ZSWIM6: variants seen among roughly 807,000 people sequenced by gnomAD.
ZSWIM6 encodes zinc finger SWIM domain-containing protein 6.
A neutral mutation model predicts 113.2 loss-of-function variants in ZSWIM6; 9 were observed. That is an observed-to-expected ratio of 0.08 (90% CI 0.05 to 0.14). The LOEUF (loss-of-function observed/expected upper bound fraction) is 0.14, where lower values mean the gene tolerates loss of function less well. Ranked by LOEUF, ZSWIM6 falls within the 10% of genes least tolerant of loss-of-function variation. The pLI, the probability that ZSWIM6 is intolerant of heterozygous loss-of-function variation, is 1.00. For missense variants in ZSWIM6, 1,162 were observed against 1,552.2 expected (o/e 0.75, Z 4.22); for synonymous variants, 611 against 606.5 (o/e 1.01, Z -0.11).
intron 9 of ZSWIM6, among the ~76,000 whole-genome samples, chr5:61,533,959 ATCAAGCTC>A (rs1749511091): frequency 6.6e-6 from 1 of 152,144 alleles, no homozygotes; most frequent in Admixed American, 6.5e-5. Context: ...TGACAGAGAG[ATCAAGCTC>A]TCTAGTGTCT....
intron 1 of ZSWIM6, among the ~76,000 whole-genome samples, chr5:61,412,651 CA>C (rs1417458766): frequency 6.6e-6 from 1 of 152,298 alleles, no homozygotes; most frequent in East Asian, 1.9e-4. Flanking sequence ...ACATTGTGCT[CA>C]GTTTTCAAAA....
chr5:61,473,584 T>C (rs7717082), intron 2 of ZSWIM6, among the ~76,000 whole-genome samples: 58,891 of 152,000 alleles, frequency 0.39, 11,553 homozygotes, highest in South Asian at 0.45. Flanking sequence ...TTTGTGAACG[T>C]ATTTATCGAG....
chr5:61,332,766 CCGCAACCTCGGCCGCCGCCGCCGCT>C lies in ZSWIM6; in HGVS notation c.495_519del (p.Ala166ProfsTer46), dbSNP rs1561194230. 2.3e-4 allele frequency: 174 copies of C among 745,010 alleles called. 2 individuals carry two copies. The East Asian group carries it at 4.4e-3, about 19-fold the overall frequency. 46.1% of individuals were successfully genotyped at this position (745,010 alleles called of 1,614,324 possible). ...TCTTCCCCGGCCGCAACCTCGGCGG[CCGCAACCTCGGCCGCCGCCGCCGCT>C]GCCGCCGCCGCCGCCGCCGCCGCCG... On this transcript the variant is annotated frameshift_variant, in exon 1 of 14. Coordinates refer to ENST00000252744, the MANE Select transcript of ZSWIM6 (RefSeq NM_020928.2). LOFTEE classifies it high-confidence loss of function.
intron 1 of ZSWIM6, among the ~76,000 whole-genome samples, chr5:61,432,409 AGCTTCATCTTGT>A (rs1746604754): frequency 6.6e-6 from 1 of 152,246 alleles, no homozygotes; most frequent in Non-Finnish European, 1.5e-5. Flanking sequence ...ATTGTTACAT[AGCTTCATCTTGT>A]TATCCTTGCA....
intron 12 of ZSWIM6, 73 bp from the exon 13 acceptor site, chr5:61,541,811 A>G (rs1271729434): frequency 7.8e-7 from 1 of 1,278,878 alleles, no homozygotes; most frequent in African/African-American, 1.5e-5. Flanking sequence ...TATGCCTTAT[A>G]GTTTATCCCC....
chr5:61,409,314 A>G (rs919531118), intron 1 of ZSWIM6, among the ~76,000 whole-genome samples: 12 of 152,118 alleles, frequency 7.9e-5, no homozygotes, highest in African/African-American at 2.9e-4. Context: ...TCTCAAATTT[A>G]CTTACCTGCA....
intron 1 of ZSWIM6, chr5:61,347,475 G>T: frequency 6.3e-6 from 1 of 158,774 alleles, no homozygotes; most frequent in South Asian, 1.8e-4. Context: ...TGGAGGGATT[G>T]ATGTGAAGCA....
At position 61,545,433 on chromosome 5, in the gene ZSWIM6, C is replaced by T. The variant is rs1749861361; in HGVS notation, c.*1116C>T. On this transcript the variant is annotated 3_prime_UTR_variant, in exon 14 of 14. Transcript: ENST00000252744. ...ATGCCGGAATTGGGGTTCGTGCCTC[C>T]TAGCCTAGGAAACTTAAAAGAAATA... The T allele has an allele frequency of 6.6e-6, 1 of 151,998 alleles. No homozygotes were observed. Among genetic ancestry groups the T allele is most frequent in the South Asian group, 2.1e-4 (1 of 4,822 alleles). 9.4% of individuals were successfully genotyped at this position (151,998 alleles called of 1,614,324 possible). A position where few individuals can be genotyped will look rare whatever the true frequency, so the allele number is the denominator to read the frequency against.
chr5:61,472,566 G>T lies in ZSWIM6; in HGVS notation c.677-115G>T. The T allele has an allele frequency of 1.3e-6, 1 of 741,480 alleles. No individual in the cohort carries two copies. The highest frequency in any genetic ancestry group is 2.1e-6 in the Non-Finnish European group (1 of 478,366). 45.9% of individuals were successfully genotyped at this position (741,480 alleles called of 1,614,324 possible). A position where few individuals can be genotyped will look rare whatever the true frequency, so the allele number is the denominator to read the frequency against. On this transcript the variant is annotated intron_variant, in intron 1 of 13. Coordinates refer to ENST00000252744, the MANE Select transcript of ZSWIM6 (RefSeq NM_020928.2). The surrounding 1 kb of genome is among the most constrained non-coding windows in gnomAD (Gnocchi z 4.1). ...TGAATGTTTTTACTTGAATATAGAG[G>T]CTGTCATATTTTTTTCTTGCTGCTG...
intron 1 of ZSWIM6, chr5:61,375,417 T>G: frequency 6.6e-7 from 1 of 1,509,156 alleles, no homozygotes; most frequent in Non-Finnish European, 9.1e-7. Flanking sequence ...AGAAATCTGG[T>G]AGGTATTCAT....
intron 5 of ZSWIM6, among the ~76,000 whole-genome samples, chr5:61,523,449 C>CAAAA (rs1749187494): frequency 6.6e-6 from 1 of 152,138 alleles, no homozygotes; most frequent in Non-Finnish European, 1.5e-5. Context: ...AAAGTATAGC[C>CAAAA]AATTTTATAA....
intron 9 of ZSWIM6, 94 bp from the exon 10 acceptor site, chr5:61,535,390 G>C: frequency 7.1e-7 from 1 of 1,403,158 alleles, no homozygotes; most frequent in Non-Finnish European, 9.8e-7. Flanking sequence ...ATTTGTATAT[G>C]TTATAACTTT....
Position 61,353,362 on chromosome 5 carries a change from G to T in ZSWIM6, c.676+20414G>T, listed in dbSNP as rs112565974. ...GAGGAGAAGGTATTCTCATTCTAAGGCTGAGGAAACAGATATGTTAAGTCA... is the reference window on the plus strand; with the variant it reads ...GAGGAGAAGGTATTCTCATTCTAAGTCTGAGGAAACAGATATGTTAAGTCA... On this transcript the variant is annotated intron_variant, in intron 1 of 13. Coordinates refer to ENST00000252744, the MANE Select transcript of ZSWIM6 (RefSeq NM_020928.2). 1.9e-4 allele frequency among the ~76,000 whole-genome samples: 29 copies of T among 152,230 alleles called. 2 individuals carry two copies. The highest frequency in any genetic ancestry group is 7.0e-4 in the African/African-American group (29 of 41,546).
chr5:61,408,304 T>C (rs1438739937), intron 1 of ZSWIM6, among the ~76,000 whole-genome samples: 1 of 152,216 alleles, frequency 6.6e-6, no homozygotes, highest in Admixed American at 6.5e-5. Flanking sequence ...GGGACGAAGT[T>C]GGAGGGAGAT....
chr5:61,444,568 A>G (rs961307850), intron 1 of ZSWIM6, among the ~76,000 whole-genome samples: 5 of 152,108 alleles, frequency 3.3e-5, no homozygotes, highest in South Asian at 2.1e-4. Context: ...CCAAGGTAAG[A>G]CTTTCATAAA....
At chr5:61,474,672 G>T (rs536538544) in intron 2 of ZSWIM6, among the ~76,000 whole-genome samples, 10 of 152,298 alleles carry the variant, frequency 6.6e-5, no homozygotes, top group African/African-American at 2.4e-4. Flanking sequence ...GCTAGTGGCT[G>T]CCATATTGGA....
chr5:61,466,208 G>T (rs1382550427), intron 1 of ZSWIM6, among the ~76,000 whole-genome samples: 1 of 152,002 alleles, frequency 6.6e-6, no homozygotes, highest in Non-Finnish European at 1.5e-5. Context: ...AGGTAAAAGG[G>T]TTTTTTTGGG....
At chr5:61,533,367 G>T (rs1290005428) in intron 9 of ZSWIM6, among the ~76,000 whole-genome samples, 2 of 152,204 alleles carry the variant, frequency 1.3e-5, no homozygotes, top group Non-Finnish European at 2.9e-5. Context: ...AAATTAGTTA[G>T]CAGGCCCAGA....
chr5:61,335,588 T>C (rs984972482), intron 1 of ZSWIM6, among the ~76,000 whole-genome samples: 13 of 152,254 alleles, frequency 8.5e-5, no homozygotes, highest in African/African-American at 2.4e-4. Flanking sequence ...TTTGTTTCAG[T>C]TTCTTAAAAT....
Sources: gnomAD v4.1 joint callset for allele counts (sites outside exome capture counted in the v4.1 genomes callset) on GRCh38, gnomAD v4.1.1 for gene constraint, Gnocchi (gnomAD v3.1) non-coding constraint, MANE v1.5 for transcripts, NCBI Gene and HGNC (gene_info 2026-07-23, HGNC 2026-07-21) for gene names.